Variants in C13orf42 observed in about 807,000 individuals in gnomAD.
C13orf42 encodes chromosome 13 open reading frame 42.
chr13:51,105,303 G>T (rs914539749), intron 1 of C13orf42, among the ~76,000 whole-genome samples: 2 of 152,160 alleles, frequency 1.3e-5, no homozygotes, highest in Non-Finnish European at 2.9e-5. Context: ...TAGGAATTCT[G>T]GTCTTGCTCT....
At chr13:51,115,724 G>A (rs775133332), upstream of C13orf42, among the ~76,000 whole-genome samples, 1 of 152,212 alleles carries the variant, frequency 6.6e-6, no homozygotes, top group Non-Finnish European at 1.5e-5. Context: ...AGAAAAGGAA[G>A]AGATCAAATA....
At chr13:51,161,925 G>A (rs976369120) in intron 1 of C13orf42, 2 of 492,362 alleles carry the variant, frequency 4.1e-6, no homozygotes, top group South Asian at 1.5e-5. Flanking sequence ...AAGGCACCTG[G>A]CTGACCATCA....
chr13:51,096,389 T>A (rs867250386), intron 1 of C13orf42, among the ~76,000 whole-genome samples: 1 of 152,172 alleles, frequency 6.6e-6, no homozygotes, highest in African/African-American at 2.4e-5. Flanking sequence ...CATGGCCTTG[T>A]AAGGTTGAGA....
rs575162781 is a variant in C13orf42, at chr13:51,136,776, C to T, written n.137-23554G>A. On this transcript the variant is annotated intron_variant and non_coding_transcript_variant, in intron 1 of 4. Coordinates refer to the C13orf42 transcript ENST00000433280. Reference sequence around the variant, plus strand: ...AGGGCCAGGACCCCCAGGAGCCTGGCGCGAGGCCCTGAGAAGCCAGAGGTG... The same window carrying T: ...AGGGCCAGGACCCCCAGGAGCCTGGTGCGAGGCCCTGAGAAGCCAGAGGTG... Among the ~76,000 whole-genome samples the T allele has an allele frequency of 5.9e-5, 9 of 152,302 alleles. 1 individual carries two copies. In the South Asian group the frequency reaches 1.5e-3, roughly 25 times the overall value.
At chr13:51,124,675 T>A (rs1248463094) in intron 1 of C13orf42, among the ~76,000 whole-genome samples, 1 of 152,218 alleles carries the variant, frequency 6.6e-6, no homozygotes, top group Non-Finnish European at 1.5e-5. Context: ...CACAGTGGCA[T>A]CTAGGCTTCT....
intron 1 of C13orf42, among the ~76,000 whole-genome samples, chr13:51,144,050 C>T (rs930074481): frequency 6.6e-6 from 1 of 151,974 alleles, no homozygotes; most frequent in Admixed American, 6.6e-5. Context: ...ACTATGGCTC[C>T]CTTAAAACTT....
rs192870467 is a variant in C13orf42, at chr13:51,155,704, C to T, written n.136+16549G>A. Among the ~76,000 whole-genome samples, 417 of 152,298 alleles carry T rather than the reference C, an allele frequency of 2.7e-3. 3 individuals carry two copies. The highest frequency in any genetic ancestry group is 4.9e-3 in the Non-Finnish European group (331 of 68,026). ...AGTGGACAAGATGGAAAACGGCTAC[C>T]GCATTCTTCTATTTATATCTCTTCC... On this transcript the variant is annotated intron_variant and non_coding_transcript_variant, in intron 1 of 4. Transcript: ENST00000433280.
At chr13:51,095,774 G>T (rs865904434) in intron 1 of C13orf42, among the ~76,000 whole-genome samples, 12 of 151,900 alleles carry the variant, frequency 7.9e-5, no homozygotes, top group Non-Finnish European at 1.2e-4. Context: ...CACCTGTTCC[G>T]TTAGGGCTTT....
intron 1 of C13orf42, among the ~76,000 whole-genome samples, chr13:51,094,269 G>A (rs925137974): frequency 2.6e-5 from 4 of 152,068 alleles, no homozygotes; most frequent in Non-Finnish European, 5.9e-5. Context: ...TACATGTTAC[G>A]GATTTTATTG....
intron 1 of C13orf42, among the ~76,000 whole-genome samples, chr13:51,137,962 TTCTC>T (rs769470158): frequency 1.3e-5 from 2 of 152,226 alleles, no homozygotes; most frequent in Admixed American, 6.5e-5. Flanking sequence ...ATTCTTCAGC[TTCTC>T]TCTAAGTGGC....
At chr13:51,159,647 A>G (rs1162131611) in intron 1 of C13orf42, among the ~76,000 whole-genome samples, 1 of 152,238 alleles carries the variant, frequency 6.6e-6, no homozygotes, top group African/African-American at 2.4e-5. Context: ...AAATTCTCAC[A>G]TACAATAAAA....
chr13:51,130,257 G>C (rs1188857926), intron 1 of C13orf42, among the ~76,000 whole-genome samples: 1 of 152,150 alleles, frequency 6.6e-6, no homozygotes, highest in Non-Finnish European at 1.5e-5. Flanking sequence ...ATGCTTTAAG[G>C]TCATAAACTG....
chr13:51,113,622 G>A (rs1203223431), upstream of C13orf42, among the ~76,000 whole-genome samples: 2 of 152,036 alleles, frequency 1.3e-5, no homozygotes, highest in African/African-American at 4.8e-5. Flanking sequence ...AGTAGAGACA[G>A]GGTCTTGCTA....
intron 1 of C13orf42, among the ~76,000 whole-genome samples, chr13:51,104,959 C>G (rs1277573102): frequency 1.3e-5 from 2 of 152,154 alleles, no homozygotes; most frequent in Non-Finnish European, 1.5e-5. Flanking sequence ...ATACGTGACC[C>G]TGGAACAAAC....
intron 1 of C13orf42, chr13:51,162,068 C>A: frequency 2.9e-6 from 1 of 344,368 alleles, no homozygotes; most frequent in South Asian, 2.9e-5. Context: ...ATTTGTCAGG[C>A]CAACCTTTAC....
At chr13:51,119,146 G>A (rs752172861) in intron 1 of C13orf42, among the ~76,000 whole-genome samples, 4 of 152,018 alleles carry the variant, frequency 2.6e-5, no homozygotes, top group Non-Finnish European at 5.9e-5. Flanking sequence ...TGTACAGTAT[G>A]CCTGGGTGTA....
chr13:51,151,254 G>A (rs1953775696), intron 1 of C13orf42, among the ~76,000 whole-genome samples: 1 of 152,116 alleles, frequency 6.6e-6, no homozygotes, highest in Admixed American at 6.5e-5. Flanking sequence ...AATGGAAGAG[G>A]GTGGCAGGAG....
In C13orf42 at chr13:51,111,159, C is replaced by T. The variant is rs1414598707; in HGVS notation, c.51G>A (p.Thr17=). ...SIFNSSPQRK[T]AAESPFYEGA... ...CTTCGTAGAAGGGGCTCTCGGCCGC[C>T]GTCTTTCTCTGTGGGCTGGAGTTAA... Residue 17 remains threonine (T), a synonymous_variant, in exon 1 of 4, where the codon ACG becomes ACA. Coordinates refer to ENST00000563710, the MANE Select transcript of C13orf42 (RefSeq NM_001351589.3). 2 of 398,596 alleles carry T rather than the reference C, an allele frequency of 5.0e-6. No individual in the cohort carries two copies. The highest frequency in any genetic ancestry group is 4.4e-5 in the Admixed American group (1 of 22,730). 24.7% of individuals were successfully genotyped at this position (398,596 alleles called of 1,614,324 possible). A position where few individuals can be genotyped will look rare whatever the true frequency, so the allele number is the denominator to read the frequency against.
At chr13:51,145,139 C>T (rs200219155) in intron 1 of C13orf42, among the ~76,000 whole-genome samples, 1 of 39,368 alleles carries the variant, frequency 2.5e-5, no homozygotes, top group Non-Finnish European at 5.2e-5. Context: ...AATTTTTTTT[C>T]CTTCTCTTTT....
Sources: gnomAD v4.1 joint callset for allele counts (sites outside exome capture counted in the v4.1 genomes callset) on GRCh38, gnomAD v4.1.1 for gene constraint, MANE v1.5 for transcripts, NCBI Gene and HGNC (gene_info 2026-07-23, HGNC 2026-07-21) for gene names.